DHX40: variants seen among roughly 807,000 people sequenced by gnomAD.
DHX40 encodes the protein DEAH-box helicase 40.
A neutral mutation model predicts 89.6 loss-of-function variants in DHX40; 28 were observed. The observed-to-expected ratio is 0.31, with a 90% CI of 0.23 to 0.43. The LOEUF is 0.43. DHX40 is among the 20% of genes least tolerant of loss of function. The pLI is 1.00. For synonymous variants in DHX40, 226 were observed against 283.6 expected (o/e 0.80, Z 2.04); for missense variants, 457 against 844.0 (o/e 0.54, Z 5.68).
chr17:59,566,624 C>T lies in DHX40; in HGVS notation c.113-3C>T. The T allele has an allele frequency of 6.3e-7, 1 of 1,575,124 alleles. No homozygotes were observed. The highest frequency in any genetic ancestry group is 1.2e-5 in the South Asian group (1 of 83,368). On this transcript the variant is annotated splice_polypyrimidine_tract_variant and splice_region_variant and intron_variant, in intron 1 of 17. Coordinates refer to ENST00000251241, the MANE Select transcript of DHX40 (RefSeq NM_024612.5). ...TAATTGACTTGTTTTTCTGTTATTA[C>T]AGAAGAGAAAGGATGCACGTCCCAG...
intron 14 of DHX40, among the ~76,000 whole-genome samples, chr17:59,600,054 C>G (rs186582168): frequency 2.6e-5 from 4 of 152,102 alleles, no homozygotes; most frequent in Non-Finnish European, 4.4e-5. Flanking sequence ...AAACTCCTGA[C>G]CTCAAGTGAT....
intron 12 of DHX40, among the ~76,000 whole-genome samples, chr17:59,595,679 A>T (rs1161235445): frequency 1.6e-5 from 2 of 122,326 alleles, no homozygotes; most frequent in Non-Finnish European, 3.4e-5. Context: ...GCGGGGGGAG[A>T]TCTGTGCAGG....
chr17:59,577,472 C>G, intron 8 of DHX40, 107 bp downstream of exon 8: 3 of 801,458 alleles, frequency 3.7e-6, no homozygotes, highest in East Asian at 5.3e-5. Context: ...ATTCCCTTCT[C>G]TCCTACTTTT....
At chr17:59,605,732 C>T in intron 17 of DHX40, 58 bp downstream of exon 17, 1 of 1,468,946 alleles carries the variant, frequency 6.8e-7, no homozygotes, top group Non-Finnish European at 9.4e-7. Context: ...CCCAGTAGTA[C>T]TTCACTATTT....
intron 10 of DHX40, 33 bp from the exon 11 acceptor site, chr17:59,586,120 G>T (rs370801401): frequency 1.4e-6 from 2 of 1,442,568 alleles, no homozygotes; most frequent in Non-Finnish European, 1.9e-6. Flanking sequence ...TTCAAGGAAT[G>T]CCTCTCACTT....
chr17:59,595,479 T>A (rs565046374), intron 12 of DHX40, among the ~76,000 whole-genome samples: 1 of 150,434 alleles, frequency 6.6e-6, no homozygotes, highest in Non-Finnish European at 1.5e-5. Flanking sequence ...ACCAAAAAAA[T>A]TAAGAAAAAG....
At position 59,607,153 on chromosome 17, in the gene DHX40, C is replaced by G. The variant is rs2030919383; in HGVS notation, c.2321C>G (p.Thr774Arg). ...KQQRTQDHSDTRKETG is the reference protein window; with the variant it reads ...KQQRTQDHSDRRKETG ...CAGAGGACCCAGGACCACAGTGACA[C>G]ACGAAAGGAAACAGGCTAAGGTGGT... The change falls in exon 18 of 18, where the codon ACA becomes AGA. Residue 774 changes from threonine to arginine, a missense_variant. Transcript: ENST00000251241. 6.2e-7 allele frequency: 1 copy of G among 1,614,176 alleles called. No individual in the cohort carries two copies. The highest frequency in any genetic ancestry group is 2.2e-5 in the East Asian group (1 of 44,884).
intron 2 of DHX40, among the ~76,000 whole-genome samples, chr17:59,567,788 C>T (rs1392898833): frequency 2.6e-5 from 4 of 151,576 alleles, no homozygotes; most frequent in Non-Finnish European, 4.4e-5. Flanking sequence ...AAAAATTCGC[C>T]GGGCGTGGTG....
Position 59,577,266 on chromosome 17 carries a change from A to T in DHX40, c.974A>T (p.Asp325Val). ...TATTTTCTTTTTATATATACTTCAG[A>T]TCAACAGAGGAGGATATTTTTGCCA... is the stretch of plus-strand genomic sequence containing the variant. ...ILPCYGSMTT[D>V]QQRRIFLPPP... The change falls in exon 8 of 18, where the codon GAT (aspartate) becomes GTT (valine). Residue 325 changes from aspartate to valine, a missense_variant and splice_region_variant. Transcript: ENST00000251241. 6.2e-7 allele frequency: 1 copy of T among 1,612,416 alleles called. No individual in the cohort carries two copies. The highest frequency in any genetic ancestry group is 8.5e-7 in the Non-Finnish European group (1 of 1,178,622).
chr17:59,592,295 AAAAC>A (rs761979085), intron 12 of DHX40, among the ~76,000 whole-genome samples: 3 of 152,038 alleles, frequency 2.0e-5, no homozygotes, highest in Non-Finnish European at 4.4e-5. Context: ...AGTACTGTGA[AAAAC>A]AACCCTATAT....
At chr17:59,606,364 A>G (rs570737790) in intron 17 of DHX40, among the ~76,000 whole-genome samples, 168 of 152,352 alleles carry the variant, frequency 1.1e-3, no homozygotes, top group Admixed American at 2.9e-3. Flanking sequence ...ATGATGAAGC[A>G]TATTGTATTT....
rs1054619225 is a variant in DHX40, at chr17:59,605,693, C to A, written c.2200+19C>A. ...CTAAAGGGTGAGTAAATCATTTGTT[C>A]TACTCTTAACCACTATGCCATACTG... On this transcript the variant is annotated intron_variant, in intron 17 of 17. Transcript: ENST00000251241. 4 of 1,592,724 alleles carry A rather than the reference C, an allele frequency of 2.5e-6. No individual in the cohort carries two copies. Among genetic ancestry groups the A allele is most frequent in the Non-Finnish European group, 3.4e-6 (4 of 1,166,896 alleles).
intron 15 of DHX40, chr17:59,603,743 A>G (rs1485258838): frequency 6.6e-6 from 1 of 152,222 alleles, no homozygotes; most frequent in African/African-American, 2.4e-5. Flanking sequence ...GTAACTTTAC[A>G]GTGGAGAATC....
intron 12 of DHX40, among the ~76,000 whole-genome samples, chr17:59,596,743 C>T (rs1009852224): frequency 2.0e-5 from 3 of 152,076 alleles, no homozygotes; most frequent in African/African-American, 4.8e-5. Context: ...ACCTAGGTAA[C>T]ATAGTTGGAA....
chr17:59,576,936 C>G (rs1453574873), intron 7 of DHX40: 2 of 303,620 alleles, frequency 6.6e-6, no homozygotes, highest in African/African-American at 4.5e-5. Flanking sequence ...GTGGCGCGAT[C>G]TTGGCTCACT....
Position 59,579,792 on chromosome 17 carries a change from C to CCTG in DHX40, c.1256_1257insCTG (p.Pro419_Asp420insCys). ...AAAGATTTTTGGAACCAGTGTATGC[C>CCTG]TGACCATGTGATCCCTGAAATTAAG... On this transcript the variant is annotated inframe_insertion, in exon 10 of 18. Transcript: ENST00000251241. The CCTG allele has an allele frequency of 3.6e-6, 1 of 274,140 alleles. No homozygotes were observed. The highest frequency in any genetic ancestry group is 5.4e-6 in the Non-Finnish European group (1 of 183,620). The allele number at this position is 274,140 out of a possible 1,614,324, so 17.0% of individuals were successfully genotyped here.
At chr17:59,595,488 AG>A (rs2029978548) in intron 12 of DHX40, among the ~76,000 whole-genome samples, 1 of 150,548 alleles carries the variant, frequency 6.6e-6, no homozygotes, top group South Asian at 2.1e-4. Flanking sequence ...ATTAAGAAAA[AG>A]TATGTCATGA....
At chr17:59,587,660 G>C (rs924753482) in intron 11 of DHX40, among the ~76,000 whole-genome samples, 1 of 151,952 alleles carries the variant, frequency 6.6e-6, no homozygotes, top group Non-Finnish European at 1.5e-5. Context: ...GTTTTGCCAT[G>C]TTGGCCAGGC....
chr17:59,603,793 T>C (rs1382186433), intron 15 of DHX40: 1 of 152,116 alleles, frequency 6.6e-6, no homozygotes. Flanking sequence ...AAAGTGAACA[T>C]AATGAAATAA....
Sources: allele counts gnomAD v4.1 joint callset (sites outside exome capture counted in the v4.1 genomes callset), GRCh38; gene constraint gnomAD v4.1.1; transcripts MANE v1.5; gene names NCBI Gene and HGNC (gene_info 2026-07-23, HGNC 2026-07-21).